The following LRRFIP1 variants were observed in gnomAD, a reference collection of about 807,000 sequenced individuals.
LRRFIP1 encodes leucine-rich repeat flightless-interacting protein 1.
A neutral mutation model predicts 104.4 loss-of-function variants in LRRFIP1; 62 were observed. The ratio of observed to expected loss-of-function variants is 0.59; its 90% confidence interval spans 0.48 to 0.73. The LOEUF (loss-of-function observed/expected upper bound fraction) is 0.73, where lower values mean the gene tolerates loss of function less well. Among genes scored for constraint, LRRFIP1 ranks in the 30% least tolerant of loss-of-function variants. LRRFIP1 has a pLI of 0.00. For missense variants in LRRFIP1, 796 were observed against 824.5 expected, an observed-to-expected ratio of 0.97 and a Z score of 0.42; for synonymous variants, 300 against 299.0, an observed-to-expected ratio of 1.00 and a Z score of -0.03.
At chr2:237,706,129 C>T (rs1445721965) in intron 1 of LRRFIP1, among the ~76,000 whole-genome samples, 1 of 152,202 alleles carries the variant, frequency 6.6e-6, no homozygotes, top group Non-Finnish European at 1.5e-5. Flanking sequence ...GAGGGGTATG[C>T]AGGGCAGGTA....
At chr2:237,714,303 A>G in intron 3 of LRRFIP1, 27 bp downstream of exon 3, 1 of 1,580,446 alleles carries the variant, frequency 6.3e-7, no homozygotes, top group South Asian at 1.1e-5. Context: ...TTATTTTCTA[A>G]CTTGCATGTA....
chr2:237,692,519 C>T, intron 1 of LRRFIP1: 1 of 1,525,620 alleles, frequency 6.6e-7, no homozygotes, highest in Non-Finnish European at 8.8e-7. Context: ...AGCGCAGAAG[C>T]TGGTAAGAGG....
At chr2:237,708,434 A>ATATC in intron 1 of LRRFIP1, 110 bp from the exon 2 acceptor site, 1 of 734,756 alleles carries the variant, frequency 1.4e-6, no homozygotes. Flanking sequence ...TTATTGCTGT[A>ATATC]TATCTGTTAA....
chr2:237,639,258 C>A (rs989508561), intron 1 of LRRFIP1, among the ~76,000 whole-genome samples: 1 of 152,196 alleles, frequency 6.6e-6, no homozygotes, highest in African/African-American at 2.4e-5. Context: ...GATGATCTCC[C>A]ATGCCCAAGA....
intron 1 of LRRFIP1, among the ~76,000 whole-genome samples, chr2:237,688,441 C>CTTTTTTTTTTTTTTTTTTTT (rs5839674): frequency 7.5e-6 from 1 of 132,510 alleles, no homozygotes. Context: ...GATGGACCCC[C>CTTTTTTTTTTTTTTTTTTTT]TTTTTTTTTT....
At chr2:237,739,882 A>C (rs1676767272) in intron 11 of LRRFIP1, among the ~76,000 whole-genome samples, 4 of 152,038 alleles carry the variant, frequency 2.6e-5, no homozygotes, top group Admixed American at 2.6e-4. Context: ...GTTTTACCTG[A>C]TGTGATGCTT....
chr2:237,667,116 C>T (rs192875565), intron 1 of LRRFIP1, among the ~76,000 whole-genome samples: 5 of 151,950 alleles, frequency 3.3e-5, no homozygotes, highest in Admixed American at 1.3e-4. Context: ...ACCTGTCAAC[C>T]CATCATCTAG....
rs60831274 is a variant in LRRFIP1 at position 237,671,340 on chromosome 2, A to G, written c.97-37204A>G. Among the ~76,000 whole-genome samples the G allele has an allele frequency of 2.2e-3, 337 of 152,294 alleles. 11 individuals carry two copies. The East Asian group carries it at 0.055, about 25-fold the overall frequency. ...GAAACACTTCAACTCCACTTAAGAA[A>G]ACAAATCGGAGCACATCCGTGATCC... is the stretch of plus-strand genomic sequence containing the variant. On this transcript the variant is annotated intron_variant, in intron 1 of 23. Coordinates refer to ENST00000308482, the MANE Select transcript of LRRFIP1 (RefSeq NM_001137550.2).
chr2:237,746,571 C>G (rs1042947962), intron 11 of LRRFIP1, among the ~76,000 whole-genome samples: 2 of 152,144 alleles, frequency 1.3e-5, no homozygotes, highest in Non-Finnish European at 2.9e-5. Flanking sequence ...TCGGAGTCTG[C>G]CTTGGTGCCT....
intron 19 of LRRFIP1, chr2:237,762,565 A>C (rs774838757): frequency 1.6e-5 from 24 of 1,519,110 alleles, no homozygotes; most frequent in Non-Finnish European, 8.9e-7. Flanking sequence ...TGGCCGCCAC[A>C]TCATGGGGTC....
intron 11 of LRRFIP1, among the ~76,000 whole-genome samples, chr2:237,747,661 C>T (rs565038105): frequency 1.2e-3 from 179 of 152,270 alleles, no homozygotes; most frequent in Middle Eastern, 3.4e-3. Flanking sequence ...CTGCAGTTGC[C>T]GCGCATGTCT....
At chr2:237,739,763 C>T (rs2095358705) in intron 11 of LRRFIP1, among the ~76,000 whole-genome samples, 1 of 152,138 alleles carries the variant, frequency 6.6e-6, no homozygotes, top group Admixed American at 6.5e-5. Context: ...GCTTGTCACT[C>T]AGCGTGGCCC....
chr2:237,663,434 C>G (rs1035033436), intron 1 of LRRFIP1, among the ~76,000 whole-genome samples: 28 of 152,212 alleles, frequency 1.8e-4, no homozygotes, highest in South Asian at 4.1e-4. Flanking sequence ...TCTTTCCCCC[C>G]CCATCCCGCC....
intron 1 of LRRFIP1, chr2:237,692,421 T>C: frequency 6.7e-7 from 1 of 1,486,332 alleles, no homozygotes; most frequent in East Asian, 2.8e-5. Flanking sequence ...TCCCCGAGCA[T>C]TTCCCGCCGG....
intron 14 of LRRFIP1, among the ~76,000 whole-genome samples, chr2:237,751,901 A>G (rs2058671257): frequency 1.3e-5 from 2 of 152,176 alleles, no homozygotes; most frequent in Admixed American, 1.3e-4. Flanking sequence ...TGTCTTCCTT[A>G]GGCAGCAGCG....
At chr2:237,662,018 C>A (rs1018178746) in intron 1 of LRRFIP1, among the ~76,000 whole-genome samples, 7 of 152,224 alleles carry the variant, frequency 4.6e-5, no homozygotes, top group African/African-American at 1.4e-4. Flanking sequence ...AATAACAGAA[C>A]TGTATTCTCT....
chr2:237,672,507 A>G (rs1267629328), intron 1 of LRRFIP1, among the ~76,000 whole-genome samples: 1 of 152,246 alleles, frequency 6.6e-6, no homozygotes, highest in African/African-American at 2.4e-5. Flanking sequence ...TTTGTGTTCA[A>G]TGAAAATTTA....
At chr2:237,641,514 A>AG (rs1159634864) in intron 1 of LRRFIP1, among the ~76,000 whole-genome samples, 10 of 151,586 alleles carry the variant, frequency 6.6e-5, no homozygotes, top group Non-Finnish European at 1.5e-4. Context: ...AAAAAAAAAA[A>AG]ATTGTGTTCC....
At chr2:237,658,561 A>T (rs1240873602) in intron 1 of LRRFIP1, among the ~76,000 whole-genome samples, 1 of 152,246 alleles carries the variant, frequency 6.6e-6, no homozygotes, top group Admixed American at 6.5e-5. Flanking sequence ...TGGGTAATTT[A>T]TAAAGGAAAG....
Sources: gnomAD v4.1 joint callset for allele counts (sites outside exome capture counted in the v4.1 genomes callset) on GRCh38, gnomAD v4.1.1 for gene constraint, MANE v1.5 for transcripts, NCBI Gene and HGNC (gene_info 2026-07-23, HGNC 2026-07-21) for gene names.